Variants in RIF1 observed in about 807,000 individuals in gnomAD.
RIF1 encodes the protein telomere-associated protein RIF1.
Under a neutral mutation model 247.1 loss-of-function variants are expected in RIF1, and 45 were observed. The ratio of observed to expected loss-of-function variants is 0.18; its 90% CI spans 0.14 to 0.23. The LOEUF (loss-of-function observed/expected upper bound fraction) is 0.23. Among genes scored for constraint, RIF1 ranks in the 10% least tolerant of loss-of-function variants. The pLI is 1.00. For missense variants in RIF1, 2,967 were observed against 2,862.5 expected, an observed-to-expected ratio of 1.04 and a Z score of -0.83; for synonymous variants, 1,087 against 978.8, an observed-to-expected ratio of 1.11 and a Z score of -2.06.
chr2:151,416,720 CTA>C, intron 5 of RIF1, 32 bp downstream of exon 5: 1 of 1,606,388 alleles, frequency 6.2e-7, no homozygotes, highest in Non-Finnish European at 8.5e-7. Flanking sequence ...GCCATCTTAA[CTA>C]TATGCCAATT....
the RIF1 span, among the ~76,000 whole-genome samples, chr2:151,521,554 T>C: frequency 1.3e-5 from 2 of 152,278 alleles, no homozygotes; most frequent in East Asian, 1.9e-4. Flanking sequence ...AAACCAGATA[T>C]GCAGAGTCAG....
chr2:151,469,686 A>G (rs1458554527), intron 33 of RIF1, 25 bp from the exon 34 acceptor site: 2 of 1,473,910 alleles, frequency 1.4e-6, no homozygotes, highest in Non-Finnish European at 9.1e-7. Context: ...ATATAATTAT[A>G]ATTTCCTGTT....
In RIF1 at chr2:151,443,001, C is replaced by T. The variant is rs184605588; in HGVS notation, c.1735-258C>T. Among the ~76,000 whole-genome samples the T allele has an allele frequency of 2.9e-4, 44 of 151,950 alleles. No homozygotes were observed. The East Asian group carries it at 8.5e-3, about 29-fold the overall frequency. On this transcript the variant is annotated intron_variant, in intron 16 of 35. Coordinates refer to ENST00000444746, the MANE Select transcript of RIF1 (RefSeq NM_018151.5). ...CTGTGTTAGCCAGGATGGTCTCGATCTCCTGACCTCGTGATCCACCCGCCT... is the reference window on the plus strand; with the variant it reads ...CTGTGTTAGCCAGGATGGTCTCGATTTCCTGACCTCGTGATCCACCCGCCT...
Position 151,463,720 on chromosome 2 carries a change from T to C in RIF1, c.4200T>C (p.Asn1400=). ...TAATATCAGCAGATCAAATGGTAAA[T>C]GAGGATAGTCAGGTTCAGATAACTC... ...PVVISADQMV[N]EDSQVQITPN... Residue 1400 remains asparagine, a synonymous_variant, in exon 30 of 36, where the codon AAT becomes AAC. Transcript: ENST00000444746. 2 of 1,613,914 alleles carry C rather than the reference T, an allele frequency of 1.2e-6. No individual in the cohort carries two copies. Among genetic ancestry groups the C allele is most frequent in the Non-Finnish European group, 1.7e-6 (2 of 1,179,956 alleles).
Position 151,416,659 on chromosome 2 carries a change from A to G in RIF1, c.379A>G (p.Thr127Ala), listed in dbSNP as rs1295906993. The part of the protein sequence containing the change: ...TRALWVISKQ[T>A]FPSEVVGKMV... ...AGCACTTTGGGTGATATCTAAGCAG[A>G]CATTTCCCTCTGAAGTGGTTGGCAA... The change falls in exon 5 of 36, where the codon ACA becomes GCA. Residue 127 changes from threonine to alanine, a missense_variant. Around this residue, in one of 7 missense-constraint regions of RIF1, gnomAD observed 269 missense variants for 288.6 expected, o/e 0.93. Coordinates refer to ENST00000444746, the MANE Select transcript of RIF1 (RefSeq NM_018151.5). 1 of 1,613,092 alleles carries G rather than the reference A, an allele frequency of 6.2e-7. No individual in the cohort carries two copies. The highest frequency in any genetic ancestry group is 1.7e-4 in the Middle Eastern group (1 of 6,056).
At chr2:151,419,619 C>G (rs62169380) in intron 6 of RIF1, among the ~76,000 whole-genome samples, 35,120 of 152,010 alleles carry the variant, frequency 0.23, 4,748 homozygotes, top group Admixed American at 0.36. Context: ...CCACTGCACC[C>G]GGCCGGTCAT....
At chr2:151,531,498 G>A in the RIF1 span, among the ~76,000 whole-genome samples, 1 of 151,846 alleles carries the variant, frequency 6.6e-6, no homozygotes, top group Admixed American at 6.6e-5. Flanking sequence ...TATATTTTTA[G>A]TAGAGATGGG....
chr2:151,490,013 C>G (rs1027833218), intron 9 of RIF1: 5 of 1,613,322 alleles, frequency 3.1e-6, no homozygotes, highest in Non-Finnish European at 4.2e-6. Context: ...ATACCGTTGT[C>G]TGTTGGGTAG....
At chr2:151,490,083 A>G (rs1324921724) in intron 9 of RIF1, 3 of 1,593,964 alleles carry the variant, frequency 1.9e-6, no homozygotes. Flanking sequence ...GTAAGCTGAA[A>G]AAAAGGGGGC....
At chr2:151,497,340 A>G in intron 10 of RIF1, 3 of 982,494 alleles carry the variant, frequency 3.1e-6, no homozygotes, top group Admixed American at 6.1e-5. Flanking sequence ...TGAGGATTTG[A>G]GACAGTTAGA....
chr2:151,465,713 A>G lies in RIF1; in HGVS notation c.6193A>G (p.Asn2065Asp). The change falls in exon 30 of 36, where the codon AAC (asparagine) becomes GAC (aspartate). Residue 2065 changes from asparagine (N) to aspartate (D), a missense_variant. This residue lies in a region of RIF1 where 2,028 missense variants were observed against 1,825.6 expected (regional missense o/e 1.11). Transcript: ENST00000444746. The part of the protein sequence containing the change: ...ETNMLTAEMD[N>D]FVCDTVEMST... ...AAACATGTTGACTGCAGAAATGGACAACTTTGTTTGTGACACAGTTGAAAT... is the reference window on the plus strand; with the variant it reads ...AAACATGTTGACTGCAGAAATGGACGACTTTGTTTGTGACACAGTTGAAAT... The G allele has an allele frequency of 6.2e-7, 1 of 1,614,240 alleles. No homozygotes were observed. The highest frequency in any genetic ancestry group is 1.1e-5 in the South Asian group (1 of 91,086).
chr2:151,500,668 C>T (rs2063793947), intron 11 of RIF1, among the ~76,000 whole-genome samples: 2 of 147,042 alleles, frequency 1.4e-5, no homozygotes, highest in Non-Finnish European at 3.0e-5. Context: ...ACAATCACGG[C>T]TCACTGCAGC....
Position 151,443,639 on chromosome 2 carries a change from T to G in RIF1, c.1916T>G (p.Leu639Trp). The G allele has an allele frequency of 6.2e-7, 1 of 1,611,996 alleles. No homozygotes were observed. The highest frequency in any genetic ancestry group is 1.1e-5 in the South Asian group (1 of 90,532). ...GTTATTAATCAAAATGCAAAGCAGTTGGAAAATAAGGAGCATCTCTGGAAA... is the reference window on the plus strand; with the variant it reads ...GTTATTAATCAAAATGCAAAGCAGTGGGAAAATAAGGAGCATCTCTGGAAA... The part of the protein sequence containing the change: ...LNVINQNAKQ[L>W]ENKEHLWKMW... Residue 639 changes from leucine to tryptophan, a missense_variant, in exon 18 of 36, where the codon TTG (leucine) becomes TGG (tryptophan). Leu to Trp is a moderately conservative substitution (Grantham distance 61, BLOSUM62 -2). Around this residue, in one of 7 missense-constraint regions of RIF1, gnomAD observed 369 missense variants for 322.0 expected, o/e 1.15. Coordinates refer to ENST00000444746, the MANE Select transcript of RIF1 (RefSeq NM_018151.5).
rs527914694 is a variant in RIF1, at chr2:151,450,594, C to CT, written c.2245-1001dup. Among the ~76,000 whole-genome samples the CT allele has an allele frequency of 5.6e-3, 819 of 146,576 alleles. 20 individuals are homozygous for CT. The highest frequency in any genetic ancestry group is 0.048 in the East Asian group (241 of 5,030). ...ACACCATCCTGAGCAATAATTCTTT[C>CT]TTTTTTTTTTTGACGGAGCCTCGCT... is the stretch of plus-strand genomic sequence containing the variant. On this transcript the variant is annotated intron_variant, in intron 20 of 35. Coordinates refer to ENST00000444746, the MANE Select transcript of RIF1 (RefSeq NM_018151.5).
intron 18 of RIF1, among the ~76,000 whole-genome samples, chr2:151,445,017 T>C (rs1230703050): frequency 6.6e-6 from 1 of 152,134 alleles, no homozygotes; most frequent in African/African-American, 2.4e-5. Flanking sequence ...CTTCCTTGGG[T>C]TGTAGCTGCA....
At chr2:151,436,691 AT>A in intron 11 of RIF1, 135 bp from the exon 12 acceptor site, 4 of 574,240 alleles carry the variant, frequency 7.0e-6, no homozygotes, top group African/African-American at 2.0e-5. Context: ...GCATATTAAT[AT>A]TTCAAGGTAT....
Position 151,443,629 on chromosome 2 carries a change from G to A in RIF1, c.1906G>A (p.Ala636Thr), listed in dbSNP as rs201470069. ...AGTTTTAAATGTTATTAATCAAAAT[G>A]CAAAGCAGTTGGAAAATAAGGAGCA... is the stretch of plus-strand genomic sequence containing the variant. ...DSVLNVINQN[A>T]KQLENKEHLW... The change falls in exon 18 of 36, where the codon GCA becomes ACA. Residue 636 changes from alanine to threonine, a missense_variant. Coordinates refer to ENST00000444746, the MANE Select transcript of RIF1 (RefSeq NM_018151.5). The A allele has an allele frequency of 1.6e-5, 25 of 1,612,030 alleles. No homozygotes were observed. In the East Asian group the frequency reaches 5.1e-4, roughly 33 times the overall value.
chr2:151,432,963 A>T (rs878957775), intron 9 of RIF1, 114 bp from the exon 10 acceptor site: 83 of 804,638 alleles, frequency 1.0e-4, no homozygotes, highest in East Asian at 3.3e-4. Context: ...TTATTTTTTT[A>T]AAAAAATTTT....
At chr2:151,442,605 A>C (rs937198600) in intron 16 of RIF1, among the ~76,000 whole-genome samples, 1 of 152,110 alleles carries the variant, frequency 6.6e-6, no homozygotes, top group Non-Finnish European at 1.5e-5. Flanking sequence ...GGTTACTGCC[A>C]TAAATATTGG....
Sources: allele counts gnomAD v4.1 joint callset (sites outside exome capture counted in the v4.1 genomes callset), GRCh38; gene constraint gnomAD v4.1.1; regional missense constraint gnomAD v4.1.1; transcripts MANE v1.5; gene names NCBI Gene and HGNC (gene_info 2026-07-23, HGNC 2026-07-21).